TAF4B: variants seen among roughly 807,000 people sequenced by gnomAD.
TAF4B encodes the protein TATA-box binding protein associated factor 4b.
In TAF4B, 38 loss-of-function variants were observed where a neutral mutation model predicts 86.4. The ratio of observed to expected loss-of-function variants is 0.44; its 90% confidence interval spans 0.34 to 0.58. TAF4B has a LOEUF of 0.58. TAF4B is among the 20% of genes least tolerant of loss of function. TAF4B has a pLI of 0.02. For synonymous variants in TAF4B, 388 were observed against 391.2 expected (o/e 0.99, Z 0.10); for missense variants, 988 against 1,027.6 (o/e 0.96, Z 0.53).
Position 26,281,992 on chromosome 18 carries a change from G to T in TAF4B, c.904G>T (p.Glu302Ter). The T allele has an allele frequency of 1.9e-6, 3 of 1,613,026 alleles. No individual in the cohort carries two copies. The highest frequency in any genetic ancestry group is 2.5e-6 in the Non-Finnish European group (3 of 1,179,638). Residue 302 changes from glutamate (E) to a stop codon, truncating the protein, a stop_gained, in exon 6 of 15, where the codon GAA becomes TAA. Coordinates refer to ENST00000269142, the MANE Select transcript of TAF4B (RefSeq NM_005640.3). LOFTEE classifies it high-confidence loss of function. ...TCAGGATGCAAAAATCGAAGCAGAA[G>T]AATTTACTAGGAAACTGTATGTTGA... ...QLLDAKIEAE[E>*]FTRKLYVELK... is the part of the protein sequence containing the mutation.
At chr18:26,252,021 C>G (rs971165388) in intron 1 of TAF4B, among the ~76,000 whole-genome samples, 68 of 152,296 alleles carry the variant, frequency 4.5e-4, no homozygotes, top group Admixed American at 1.7e-3. Context: ...ATTCAAAAAT[C>G]CTCTCACATA....
chr18:26,358,364 GT>G (rs2057304686), intron 14 of TAF4B, among the ~76,000 whole-genome samples: 1 of 152,140 alleles, frequency 6.6e-6, no homozygotes, highest in Non-Finnish European at 1.5e-5. Context: ...GACCTTAATT[GT>G]TTGGTTAACA....
chr18:26,346,809 ATATATATGTGTGTGTATATATATATATG>A (rs1567913837), intron 13 of TAF4B, among the ~76,000 whole-genome samples: 1 of 30,758 alleles, frequency 3.3e-5, no homozygotes, highest in African/African-American at 6.9e-5. Context: ...GTGTATATAT[ATATATATGTGTGTGTATATATATATATG>A]TGTGTGTGTA....
At chr18:26,291,633 G>C (rs557020955) in intron 7 of TAF4B, among the ~76,000 whole-genome samples, 46 of 150,806 alleles carry the variant, frequency 3.1e-4, no homozygotes, top group African/African-American at 1.1e-3. Context: ...CTTGAACCTG[G>C]GAGGCAGAGG....
chr18:26,346,883 A>ATATATATATATATATGTG lies in TAF4B; in HGVS notation c.2317-10792_2317-10791insGTGTATATATATATATAT, dbSNP rs1567914219. ...TGTGTATATATATATATGTGTATAT[A>ATATATATATATATATGTG]TATATATATATATATATGTGTGTGT... On this transcript the variant is annotated intron_variant, in intron 13 of 14. Coordinates refer to ENST00000269142, the MANE Select transcript of TAF4B (RefSeq NM_005640.3). Among the ~76,000 whole-genome samples, 51 of 7,768 alleles carry ATATATATATATATATGTG rather than the reference A, an allele frequency of 6.6e-3. 10 individuals carry two copies. Among genetic ancestry groups the ATATATATATATATATGTG allele is most frequent in the Admixed American group, 9.8e-3 (5 of 512 alleles). 5.1% of individuals were successfully genotyped at this position (7,768 alleles called of 152,430 possible).
At chr18:26,265,354 T>C in intron 2 of TAF4B, 39 bp downstream of exon 2, 1 of 1,563,598 alleles carries the variant, frequency 6.4e-7, no homozygotes, top group Non-Finnish European at 8.6e-7. Flanking sequence ...TCTTTGTTTC[T>C]CAGCTATAAT....
intron 1 of TAF4B, among the ~76,000 whole-genome samples, chr18:26,246,214 G>A (rs1002098945): frequency 1.3e-5 from 2 of 152,210 alleles, no homozygotes; most frequent in African/African-American, 4.8e-5. Context: ...TTTCAATATA[G>A]AGAAATGTAG....
At chr18:26,284,588 G>GTTTC (rs1283151505) in intron 6 of TAF4B, among the ~76,000 whole-genome samples, 6 of 152,284 alleles carry the variant, frequency 3.9e-5, no homozygotes, top group African/African-American at 1.2e-4. Flanking sequence ...CAGTCAGAAA[G>GTTTC]TATGCTTGGC....
chr18:26,374,845 A>G (rs1213770628), intron 14 of TAF4B, among the ~76,000 whole-genome samples: 1 of 152,226 alleles, frequency 6.6e-6, no homozygotes, highest in Non-Finnish European at 1.5e-5. Context: ...ATTGAAGGAA[A>G]AGTAAACATA....
At chr18:26,227,755 G>A (rs2055600663) in intron 1 of TAF4B, among the ~76,000 whole-genome samples, 2 of 152,214 alleles carry the variant, frequency 1.3e-5, no homozygotes, top group South Asian at 4.1e-4. Flanking sequence ...GGGCCCAATC[G>A]ATCCTCCCGC....
At chr18:26,365,472 G>A (rs951685673) in intron 14 of TAF4B, among the ~76,000 whole-genome samples, 2 of 152,156 alleles carry the variant, frequency 1.3e-5, no homozygotes, top group Non-Finnish European at 2.9e-5. Flanking sequence ...AAGCTAGATG[G>A]GAGTGTCTTG....
intron 7 of TAF4B, 130 bp from the exon 8 acceptor site, chr18:26,292,116 G>C (rs2056600741): frequency 2.1e-6 from 2 of 968,090 alleles, no homozygotes; most frequent in Admixed American, 3.5e-5. Flanking sequence ...CAAATTTAAA[G>C]TAGGCATTCT....
rs2144420623 is a variant in TAF4B, at chr18:26,390,336, G to T, written c.*324G>T. ...TTTGCCAAATTGTAGCAGGTGAGGT[G>T]TCCTTCCCTAATACAGCATGCATTG... is the stretch of plus-strand genomic sequence containing the variant. On this transcript the variant is annotated 3_prime_UTR_variant, in exon 15 of 15. Transcript: ENST00000269142. 1 of 220,478 alleles carries T rather than the reference G, an allele frequency of 4.5e-6. No individual in the cohort carries two copies. Among genetic ancestry groups the T allele is most frequent in the Middle Eastern group, 1.6e-3 (1 of 644 alleles). 13.7% of individuals were successfully genotyped at this position (220,478 alleles called of 1,614,324 possible).
At chr18:26,363,359 C>T (rs1433776238) in intron 14 of TAF4B, among the ~76,000 whole-genome samples, 1 of 94,814 alleles carries the variant, frequency 1.1e-5, no homozygotes, top group Non-Finnish European at 2.0e-5. Flanking sequence ...GTCACAAAAC[C>T]CTGTCTCTAC....
intron 13 of TAF4B, among the ~76,000 whole-genome samples, chr18:26,345,111 A>T (rs1359850859): frequency 6.6e-6 from 1 of 152,160 alleles, no homozygotes; most frequent in Non-Finnish European, 1.5e-5. Flanking sequence ...ACACCAAGAT[A>T]TGCCTGCTTG....
At chr18:26,315,048 A>G (rs2056887283) in intron 9 of TAF4B, among the ~76,000 whole-genome samples, 181 bp from the exon 10 acceptor site, 1 of 149,770 alleles carries the variant, frequency 6.7e-6, no homozygotes. Flanking sequence ...AAGTAAAATA[A>G]TGCCGTTAGT....
intron 1 of TAF4B, among the ~76,000 whole-genome samples, chr18:26,259,452 G>C (rs1323421461): frequency 7.0e-6 from 1 of 141,992 alleles, no homozygotes; most frequent in Admixed American, 7.2e-5. Context: ...CCCCGCGACA[G>C]GCCCCAGTGT....
At chr18:26,228,477 A>G (rs781036251) in intron 1 of TAF4B, among the ~76,000 whole-genome samples, 13 of 152,148 alleles carry the variant, frequency 8.5e-5, no homozygotes, top group Non-Finnish European at 1.8e-4. Flanking sequence ...CACCGAATAC[A>G]TTATTTGGCA....
intron 13 of TAF4B, among the ~76,000 whole-genome samples, chr18:26,356,656 A>G (rs984729545): frequency 6.6e-6 from 1 of 152,122 alleles, no homozygotes; most frequent in Non-Finnish European, 1.5e-5. Context: ...AACCAGCCCC[A>G]GATTCTTTCC....
Sources: gnomAD v4.1 joint callset for allele counts (sites outside exome capture counted in the v4.1 genomes callset) on GRCh38, gnomAD v4.1.1 for gene constraint, MANE v1.5 for transcripts, NCBI Gene and HGNC (gene_info 2026-07-23, HGNC 2026-07-21) for gene names.